Variants in ATP8B3 observed in about 807,000 individuals in gnomAD.
ATP8B3 encodes phospholipid-transporting ATPase IK.
Under a neutral mutation model 140.9 loss-of-function variants are expected in ATP8B3, and 141 were observed. The ratio of observed to expected loss-of-function variants is 1.00; its 90% CI spans 0.87 to 1.15. ATP8B3 has a LOEUF of 1.15. ATP8B3 is among the 50% of genes most tolerant of loss of function. The pLI is 0.00. For synonymous variants in ATP8B3, 765 were observed against 714.6 expected, an observed-to-expected ratio of 1.07 and a Z score of -1.13; for missense variants, 1,874 against 1,740.6, an observed-to-expected ratio of 1.08 and a Z score of -1.36.
chr19:1,789,529 C>A lies in ATP8B3; in HGVS notation c.2677G>T (p.Val893Leu), dbSNP rs779309409. 53 of 1,598,348 alleles carry A rather than the reference C, an allele frequency of 3.3e-5. No homozygotes were observed. The highest frequency in any genetic ancestry group is 4.5e-5 in the East Asian group (2 of 44,724). The change falls in exon 23 of 29, where the codon GTG becomes TTG. Residue 893 changes from valine (V) to leucine (L), a missense_variant. Transcript: ENST00000310127. The part of the protein sequence containing the change: ...QDSRARRSSE[V>L]LQERAFVDLA... ...TCCACGAAGGCGCGCTCCTGCAGCA[C>A]CTCGGAGCTACGGCGGGCTCTGGAG...
Position 1,789,080 on chromosome 19 carries a change from C to T in ATP8B3, c.2886G>A (p.Met962Ile). ...VGVGLAGQEG[M>I]QAVQNSDFVL... ...CGAAGTCGCTGTTCTGAACTGCCTG[C>T]ATGCCCTCCTGGCCCGCCAGCCCCA... Residue 962 changes from methionine (M) to isoleucine (I), a missense_variant, in exon 24 of 29, where the codon ATG becomes ATA. Around this residue, in one of 3 missense-constraint regions of ATP8B3, gnomAD observed 840 missense variants for 760.9 expected, o/e 1.10. Coordinates refer to ENST00000310127, the MANE Select transcript of ATP8B3 (RefSeq NM_138813.4). 1 of 1,586,336 alleles carries T rather than the reference C, an allele frequency of 6.3e-7. No homozygotes were observed. Among genetic ancestry groups the T allele is most frequent in the Non-Finnish European group, 8.5e-7 (1 of 1,171,314 alleles).
chr19:1,810,553 C>T lies in ATP8B3; in HGVS notation c.310+69G>A, dbSNP rs1476096016. 3 of 1,482,748 alleles carry T rather than the reference C, an allele frequency of 2.0e-6. No homozygotes were observed. The African/African-American group carries it at 4.2e-5, about 21-fold the overall frequency. The allele number at this position is 1,482,748 out of a possible 1,614,324, so 91.8% of individuals were successfully genotyped here. On this transcript the variant is annotated intron_variant, in intron 3 of 28. Coordinates refer to ENST00000310127, the MANE Select transcript of ATP8B3 (RefSeq NM_138813.4). Reference sequence around the variant, plus strand: ...TGCCGGGATTACAGGGGAGAGCCACCACGCCTGGCCAGCCCTGAACTTCAT... The same window carrying T: ...TGCCGGGATTACAGGGGAGAGCCACTACGCCTGGCCAGCCCTGAACTTCAT...
At chr19:1,804,615 A>C (rs1006058325) in intron 10 of ATP8B3, among the ~76,000 whole-genome samples, 5 of 151,138 alleles carry the variant, frequency 3.3e-5, no homozygotes, top group African/African-American at 1.2e-4. Context: ...CTCAAAAAAA[A>C]AAAAGAAAAA....
intron 24 of ATP8B3, among the ~76,000 whole-genome samples, chr19:1,788,673 T>A (rs1333887312): frequency 6.6e-6 from 1 of 151,940 alleles, no homozygotes; most frequent in East Asian, 1.9e-4. Context: ...ACGAAACAAA[T>A]ATCCTGGAAG....
chr19:1,810,643 G>A lies in ATP8B3; in HGVS notation c.289C>T (p.Gln97Ter). The A allele has an allele frequency of 1.2e-6, 2 of 1,612,974 alleles. No individual in the cohort carries two copies. The highest frequency in any genetic ancestry group is 1.7e-6 in the Non-Finnish European group (2 of 1,179,566). ...GCACCTGAGTTCCTGTCCTCATCTTGGAGATCTTCTCTCTGGCCGAGGCTG... is the reference window on the plus strand; with the variant it reads ...GCACCTGAGTTCCTGTCCTCATCTTAGAGATCTTCTCTCTGGCCGAGGCTG... ...MGSLGQREDL[Q>*]DEDRNSAFTW... is the part of the protein sequence containing the mutation. The change falls in exon 3 of 29, where the codon CAA (glutamine) becomes TAA (stop). Residue 97 changes from glutamine to a stop codon, truncating the protein, a stop_gained. Coordinates refer to ENST00000310127, the MANE Select transcript of ATP8B3 (RefSeq NM_138813.4). LOFTEE classifies it high-confidence loss of function.
At position 1,805,277 on chromosome 19, in the gene ATP8B3, CA is replaced by C; in HGVS notation, c.904+96del. The C allele has an allele frequency of 8.0e-7, 1 of 1,249,288 alleles. No homozygotes were observed. 77.4% of individuals were successfully genotyped at this position (1,249,288 alleles called of 1,614,324 possible). ...GGTGTGAGCCACTGGGCCTGGCCAGCACCTTGTTTTAAAAACAGTAATAACA... is the reference window on the plus strand; with the variant it reads ...GGTGTGAGCCACTGGGCCTGGCCAGCCCTTGTTTTAAAAACAGTAATAACA... On this transcript the variant is annotated intron_variant, in intron 10 of 28. Transcript: ENST00000310127. This position sits in a 1 kb window ranked among gnomAD's most constrained non-coding sequence, Gnocchi z 5.2.
intron 20 of ATP8B3, among the ~76,000 whole-genome samples, chr19:1,791,132 CAA>C (rs2077476025): frequency 6.6e-6 from 1 of 152,206 alleles, no homozygotes; most frequent in South Asian, 2.1e-4. Flanking sequence ...CAAAATGTCT[CAA>C]TATCTTTTTA....
intron 18 of ATP8B3, among the ~76,000 whole-genome samples, chr19:1,793,267 A>G (rs1235254731): frequency 8.0e-5 from 4 of 49,978 alleles, no homozygotes; most frequent in East Asian, 3.4e-4. Flanking sequence ...ATTTCTTTGT[A>G]TATATATATA....
Position 1,805,225 on chromosome 19 carries a change from T to C in ATP8B3, c.904+149A>G. 1.3e-6 allele frequency: 1 copy of C among 753,310 alleles called. No homozygotes were observed. Among genetic ancestry groups the C allele is most frequent in the Non-Finnish European group, 2.3e-6 (1 of 433,734 alleles). 46.7% of individuals were successfully genotyped at this position (753,310 alleles called of 1,614,324 possible). The stretch of plus-strand genomic sequence containing the variant: ...CCTGGGCTGAAGTGATTCTCCTGCC[T>C]CAGCCTCCCAAAGTGCTGGGATTCC... On this transcript the variant is annotated intron_variant, in intron 10 of 28. Transcript: ENST00000310127. The surrounding 1 kb of genome is among the most constrained non-coding windows in gnomAD (Gnocchi z 5.2).
intron 23 of ATP8B3, 21 bp from the exon 24 acceptor site, chr19:1,789,141 G>A: frequency 6.5e-7 from 1 of 1,542,990 alleles, no homozygotes; most frequent in African/African-American, 1.4e-5. Flanking sequence ...CAAGCAGCTG[G>A]TCAGCCCCCC....
At chr19:1,810,599 C>G in intron 3 of ATP8B3, 23 bp downstream of exon 3, 1 of 1,609,466 alleles carries the variant, frequency 6.2e-7, no homozygotes. Flanking sequence ...ACCTGCACCG[C>G]CCCCTCTGCC....
At chr19:1,797,256 G>A (rs1051506417) in intron 14 of ATP8B3, among the ~76,000 whole-genome samples, 7 of 151,996 alleles carry the variant, frequency 4.6e-5, no homozygotes, top group Middle Eastern at 3.4e-3. Flanking sequence ...GGACAGCCTG[G>A]AGCCGGATGC....
Position 1,805,895 on chromosome 19 carries a change from T to C in ATP8B3, c.814A>G (p.Ile272Val). The change falls in exon 9 of 29, where the codon ATT (isoleucine) becomes GTT (valine). Residue 272 changes from isoleucine (I) to valine (V), a missense_variant. Ile to Val is a conservative substitution (Grantham distance 29). Transcript: ENST00000310127. The surrounding 1 kb of genome is among the most constrained non-coding windows in gnomAD (Gnocchi z 5.2). ...GATGCCACAGCTCCTCACCCGTCAA[T>C]GTCCACCGTCTCCACATAGCACAGG... is the stretch of plus-strand genomic sequence containing the variant. Reference protein sequence around the residue: ...SSLCYVETVDIDGETNLKFRQ... With the variant: ...SSLCYVETVDVDGETNLKFRQ... The C allele has an allele frequency of 1.5e-5, 24 of 1,612,820 alleles. No individual in the cohort carries two copies. The highest frequency in any genetic ancestry group is 2.0e-5 in the Non-Finnish European group (24 of 1,179,808).
At chr19:1,811,971 C>T in intron 1 of ATP8B3, 87 bp from the exon 2 acceptor site, 1 of 555,918 alleles carries the variant, frequency 1.8e-6, no homozygotes, top group South Asian at 2.6e-5. Context: ...GCCCCCCACC[C>T]CGTCTTCCCG....
At chr19:1,788,340 T>TTTCAA (rs2068371878) in intron 24 of ATP8B3, among the ~76,000 whole-genome samples, 1 of 152,166 alleles carries the variant, frequency 6.6e-6, no homozygotes, top group African/African-American at 2.4e-5. Flanking sequence ...CCATGTGCAG[T>TTTCAA]GCCTGCCCTT....
intron 10 of ATP8B3, among the ~76,000 whole-genome samples, chr19:1,803,579 A>G (rs773207917): frequency 8.5e-5 from 13 of 152,154 alleles, no homozygotes; most frequent in Admixed American, 8.5e-4. Context: ...CTGCCTGTCT[A>G]TGAGTCTGTG....
rs1387964876 is a variant in ATP8B3 at position 1,785,583 on chromosome 19, G to A, written c.3279C>T (p.Asn1093=). The change falls in exon 26 of 29, where the codon AAC becomes AAT. Residue 1093 remains asparagine (N), a synonymous_variant. Transcript: ENST00000310127. ...IAHGVTTSLV[N]FFMTLWISRD... ...GGCTGATCCACAGTGTCATGAAGAA[G>A]TTGACCAGAGAGGTGGTCACACCAT... 13 of 1,613,216 alleles carry A rather than the reference G, an allele frequency of 8.1e-6. No individual in the cohort carries two copies. The highest frequency in any genetic ancestry group is 1.1e-5 in the South Asian group (1 of 91,092).
At chr19:1,785,790 G>A (rs1600388867) in intron 25 of ATP8B3, 82 bp from the exon 26 acceptor site, 2 of 1,431,270 alleles carry the variant, frequency 1.4e-6, no homozygotes, top group Non-Finnish European at 1.9e-6. Context: ...GGGCAGGCCA[G>A]TAGGGTGGCC....
At chr19:1,801,661 A>C (rs1190065237) in intron 12 of ATP8B3, among the ~76,000 whole-genome samples, 2 of 152,126 alleles carry the variant, frequency 1.3e-5, no homozygotes, top group Admixed American at 1.3e-4. Context: ...CTGAGGCAGG[A>C]GACTTGCTTG....
Sources: gnomAD v4.1 joint callset for allele counts (sites outside exome capture counted in the v4.1 genomes callset) on GRCh38, gnomAD v4.1.1 for gene constraint, gnomAD v4.1.1 regional missense constraint, Gnocchi (gnomAD v3.1) non-coding constraint, MANE v1.5 for transcripts, NCBI Gene and HGNC (gene_info 2026-07-23, HGNC 2026-07-21) for gene names.